PRKCQ: variants seen among roughly 807,000 people sequenced by gnomAD.
PRKCQ encodes the protein protein kinase C theta type.
In PRKCQ, 41 loss-of-function variants were observed where a neutral mutation model predicts 91.2. The observed-to-expected ratio is 0.45, with a 90% CI of 0.35 to 0.58. The LOEUF is 0.58. Among genes scored for constraint, PRKCQ ranks in the 20% least tolerant of loss-of-function variants. The probability of loss-of-function intolerance (pLI) is 0.00; values close to 1 mark genes in which losing one functional copy is unlikely to be tolerated. For missense variants in PRKCQ, 673 were observed against 896.5 expected (o/e 0.75, Z 3.18); for synonymous variants, 307 against 316.9 (o/e 0.97, Z 0.33).
At chr10:6,413,902 G>A in the PRKCQ span, among the ~76,000 whole-genome samples, 3 of 152,224 alleles carry the variant, frequency 2.0e-5, no homozygotes, top group Admixed American at 6.5e-5. Flanking sequence ...GCTGGCCAAG[G>A]TGAAGTAACA....
intron 1 of PRKCQ, among the ~76,000 whole-genome samples, chr10:6,538,292 G>A (rs1839656070): frequency 1.3e-5 from 2 of 152,224 alleles, no homozygotes; most frequent in Admixed American, 1.3e-4. Context: ...TGCCAGCCTG[G>A]GCCAACCTGT....
chr10:6,465,810 A>C lies in PRKCQ; in HGVS notation c.1354-1406T>G, dbSNP rs147279998. On this transcript the variant is annotated intron_variant, in intron 12 of 17. Transcript: ENST00000263125. The surrounding 1 kb of genome is among the most constrained non-coding windows in gnomAD (Gnocchi z 4.4). ...CAAGGTAAGCATCCGTCTTTTTTCA[A>C]TGTTAGTTTCCGATCTGATTTACTA... is the stretch of plus-strand genomic sequence containing the variant. Among the ~76,000 whole-genome samples the C allele has an allele frequency of 4.6e-5, 7 of 152,220 alleles. No individual in the cohort carries two copies. Among genetic ancestry groups the C allele is most frequent in the Non-Finnish European group, 1.0e-4 (7 of 68,028 alleles).
Position 6,428,434 on chromosome 10 carries a change from T to TTATC in PRKCQ, c.1966-76_1966-73dup. 2.0e-6 allele frequency: 3 copies of TTATC among 1,532,440 alleles called. No individual in the cohort carries two copies. The South Asian group carries it at 3.6e-5, about 19-fold the overall frequency. The allele number at this position is 1,532,440 out of a possible 1,614,324, so 94.9% of individuals were successfully genotyped here. A position where few individuals can be genotyped will look rare whatever the true frequency, so the allele number is the denominator to read the frequency against. ...ATTAAGTTCATGATCTTCACTTTTGTTATCTAGGCCGTGATCTGCGTATGG... is the reference window on the plus strand; with the variant it reads ...ATTAAGTTCATGATCTTCACTTTTGTTATCTATCTAGGCCGTGATCTGCGTATGG... On this transcript the variant is annotated intron_variant, in intron 17 of 17. Transcript: ENST00000263125.
At position 6,479,006 on chromosome 10, in the gene PRKCQ, T is replaced by C; in HGVS notation, c.1339A>G (p.Thr447Ala). 6.2e-7 allele frequency: 1 copy of C among 1,614,182 alleles called. No homozygotes were observed. Among genetic ancestry groups the C allele is most frequent in the Non-Finnish European group, 8.5e-7 (1 of 1,180,028 alleles). ...EHPFLTHMFCTFQTKENLFFV... is the reference protein window; with the variant it reads ...EHPFLTHMFCAFQTKENLFFV... ...AGAAGCCATACCTTGGTCTGGAATGTACAAAACATGTGCGTCAGAAACGGA... is the reference window on the plus strand; with the variant it reads ...AGAAGCCATACCTTGGTCTGGAATGCACAAAACATGTGCGTCAGAAACGGA... The change falls in exon 12 of 18, where the codon ACA becomes GCA. Residue 447 changes from threonine to alanine, a missense_variant. Thr to Ala is a moderately conservative substitution (Grantham distance 58). Transcript: ENST00000263125.
chr10:6,569,936 G>A (rs1211656754), intron 1 of PRKCQ, among the ~76,000 whole-genome samples: 3 of 152,118 alleles, frequency 2.0e-5, no homozygotes, highest in Non-Finnish European at 4.4e-5. Context: ...CACAGTCAGC[G>A]AGGAGATAGG....
intron 1 of PRKCQ, among the ~76,000 whole-genome samples, chr10:6,564,526 C>A (rs1840765218): frequency 6.6e-6 from 1 of 151,964 alleles, no homozygotes; most frequent in South Asian, 2.1e-4. Flanking sequence ...TACTTTGGGG[C>A]CACATATGGA....
In PRKCQ at chr10:6,490,583, AAAC is replaced by A. The variant is rs1837237695; in HGVS notation, c.790+1097_790+1099del. Among the ~76,000 whole-genome samples the A allele has an allele frequency of 2.1e-5, 3 of 144,668 alleles. No homozygotes were observed. The South Asian group carries it at 6.6e-4, about 32-fold the overall frequency. 94.9% of individuals were successfully genotyped at this position (144,668 alleles called of 152,430 possible). A position where few individuals can be genotyped will look rare whatever the true frequency, so the allele number is the denominator to read the frequency against. The stretch of plus-strand genomic sequence containing the variant: ...TCTAAAAAAAAAAAAAAACAAAGAA[AAAC>A]AAAAAAAACAAAAACAGGCATGGTA... On this transcript the variant is annotated intron_variant, in intron 8 of 17. Coordinates refer to ENST00000263125, the MANE Select transcript of PRKCQ (RefSeq NM_006257.5).
Position 6,571,814 on chromosome 10 carries a change from AAACAAACAAACC to A in PRKCQ, c.-10+8385_-10+8396del, listed in dbSNP as rs1564400213. On this transcript the variant is annotated intron_variant, in intron 1 of 17. Coordinates refer to ENST00000263125, the MANE Select transcript of PRKCQ (RefSeq NM_006257.5). ...ACAAGACCCTGCCTCAAAAACAAAC[AAACAAACAAACC>A]AACAAACAAACCAAGAAACAAACAA... Among the ~76,000 whole-genome samples the A allele has an allele frequency of 5.3e-5, 8 of 152,028 alleles. No homozygotes were observed. The South Asian group carries it at 1.5e-3, about 28-fold the overall frequency.
chr10:6,551,184 G>A (rs1840168459), intron 1 of PRKCQ, among the ~76,000 whole-genome samples: 1 of 151,976 alleles, frequency 6.6e-6, no homozygotes, highest in South Asian at 2.1e-4. Flanking sequence ...GCCCCAGTGT[G>A]TGTTGTTCCC....
intron 15 of PRKCQ, among the ~76,000 whole-genome samples, chr10:6,445,121 C>A (rs867003999): frequency 8.5e-5 from 9 of 105,418 alleles, no homozygotes; most frequent in African/African-American, 3.1e-4. Flanking sequence ...AAGACTCTGT[C>A]AAAAAAAAAA....
chr10:6,404,629 T>C, the PRKCQ span, among the ~76,000 whole-genome samples: 1 of 144,192 alleles, frequency 6.9e-6, no homozygotes, highest in Admixed American at 6.7e-5. Flanking sequence ...CTCTCTTTCC[T>C]TTCTTCCTTC....
At chr10:6,450,211 T>C (rs1314426802) in intron 15 of PRKCQ, among the ~76,000 whole-genome samples, 3 of 149,772 alleles carry the variant, frequency 2.0e-5, no homozygotes, top group Admixed American at 6.6e-5. Context: ...GAGACACACA[T>C]AGGCTCAAAA....
intron 4 of PRKCQ, among the ~76,000 whole-genome samples, chr10:6,502,093 T>G (rs1018966988): frequency 6.6e-6 from 1 of 152,090 alleles, no homozygotes; most frequent in Non-Finnish European, 1.5e-5. Context: ...GGCACCACAG[T>G]TAAAGGAATT....
At chr10:6,496,948 T>C in intron 7 of PRKCQ, 87 bp downstream of exon 7, 3 of 1,204,632 alleles carry the variant, frequency 2.5e-6, no homozygotes, top group Non-Finnish European at 3.7e-6. Context: ...ATGCAAGTTC[T>C]GGCATTATTC....
chr10:6,431,068 C>T, intron 16 of PRKCQ, 130 bp from the exon 17 acceptor site: 1 of 1,234,098 alleles, frequency 8.1e-7, no homozygotes, highest in Non-Finnish European at 1.1e-6. Context: ...TTCATCAGGA[C>T]TGACTAAAGT....
At position 6,427,259 on chromosome 10, in the gene PRKCQ, C is replaced by CTAAT. The variant is rs1196344666; in HGVS notation, c.*944_*947dup. 3 of 151,920 alleles carry CTAAT rather than the reference C, an allele frequency of 2.0e-5. No individual in the cohort carries two copies. Among genetic ancestry groups the CTAAT allele is most frequent in the African/African-American group, 7.3e-5 (3 of 41,330 alleles). 9.4% of individuals were successfully genotyped at this position (151,920 alleles called of 1,614,324 possible). ...ACCTTTAAAATGTATGGTTGGAATT[C>CTAAT]TAATTCAACTCAATTGACTGCTGCA... On this transcript the variant is annotated 3_prime_UTR_variant, in exon 18 of 18. Transcript: ENST00000263125.
intron 15 of PRKCQ, among the ~76,000 whole-genome samples, chr10:6,445,121 CA>C (rs61291267): frequency 3.3e-4 from 35 of 105,394 alleles, no homozygotes; most frequent in African/African-American, 1.4e-3. Context: ...AAGACTCTGT[CA>C]AAAAAAAAAA....
intron 1 of PRKCQ, among the ~76,000 whole-genome samples, chr10:6,564,743 T>A (rs1840775424): frequency 6.6e-6 from 1 of 152,144 alleles, no homozygotes; most frequent in Non-Finnish European, 1.5e-5. Flanking sequence ...TTTAAGCCAC[T>A]AAGTTTGGGA....
At position 6,497,134 on chromosome 10, in the gene PRKCQ, A is replaced by T; in HGVS notation, c.575-14T>A. 1 of 1,614,052 alleles carries T rather than the reference A, an allele frequency of 6.2e-7. No individual in the cohort carries two copies. Among genetic ancestry groups the T allele is most frequent in the Non-Finnish European group, 8.5e-7 (1 of 1,179,910 alleles). On this transcript the variant is annotated splice_polypyrimidine_tract_variant and intron_variant, in intron 6 of 17. Transcript: ENST00000263125. The surrounding 1 kb of genome is among the most constrained non-coding windows in gnomAD (Gnocchi z 4.5). ...CTGCATTGCATTCTGAAAAGAAGAA[A>T]AAAATCACAGCTTAAGATTTTCATA...
Sources: gnomAD v4.1 joint callset for allele counts (sites outside exome capture counted in the v4.1 genomes callset) on GRCh38, gnomAD v4.1.1 for gene constraint, Gnocchi (gnomAD v3.1) non-coding constraint, MANE v1.5 for transcripts, NCBI Gene and HGNC (gene_info 2026-07-23, HGNC 2026-07-21) for gene names.